PREX2: variants seen among roughly 807,000 people sequenced by gnomAD.
PREX2 encodes the protein phosphatidylinositol-3,4,5-trisphosphate dependent Rac exchange factor 2, also known as phosphatidylinositol 3,4,5-trisphosphate-dependent Rac exchanger 2 protein.
A neutral mutation model predicts 203.2 loss-of-function variants in PREX2; 107 were observed. That is an observed-to-expected ratio of 0.53 (90% CI 0.45 to 0.62). PREX2 has a LOEUF of 0.62. Among genes scored for constraint, PREX2 ranks in the 20% least tolerant of loss-of-function variants. The pLI is 0.00. For missense variants in PREX2, 1,777 were observed against 1,955.9 expected (o/e 0.91, Z 1.72); for synonymous variants, 672 against 663.6 (o/e 1.01, Z -0.19).
intron 5 of PREX2, among the ~76,000 whole-genome samples, chr8:68,028,835 A>G (rs1040784082): frequency 1.3e-5 from 2 of 152,026 alleles, no homozygotes; most frequent in African/African-American, 4.8e-5. Context: ...TAAATTACTC[A>G]TTTCTGATTA....
intron 10 of PREX2, among the ~76,000 whole-genome samples, chr8:68,059,584 C>A (rs1808783079): frequency 6.6e-6 from 1 of 152,196 alleles, no homozygotes; most frequent in Admixed American, 6.5e-5. Flanking sequence ...CAGTAGTTTT[C>A]TATTGCTGTA....
At position 68,161,255 on chromosome 8, in the gene PREX2, C is replaced by T. The variant is rs148837307; in HGVS notation, c.4346+3819C>T. ...GACTACAGGCACTTGCCACCACGCCCGGCTAATTTTTGTATTTTTAGTAGA... is the reference window on the plus strand; with the variant it reads ...GACTACAGGCACTTGCCACCACGCCTGGCTAATTTTTGTATTTTTAGTAGA... On this transcript the variant is annotated intron_variant, in intron 35 of 39. Coordinates refer to ENST00000288368, the MANE Select transcript of PREX2 (RefSeq NM_024870.4). Among the ~76,000 whole-genome samples, 1,095 of 151,946 alleles carry T rather than the reference C, an allele frequency of 7.2e-3. 9 individuals are homozygous for T. Among genetic ancestry groups the T allele is most frequent in the African/African-American group, 0.025 (1,021 of 41,458 alleles).
At chr8:68,211,271 T>A (rs1348780841) in intron 37 of PREX2, among the ~76,000 whole-genome samples, 1 of 152,236 alleles carries the variant, frequency 6.6e-6, no homozygotes, top group African/African-American at 2.4e-5. Context: ...ATAAAACAAA[T>A]ATTGGCATAC....
At chr8:68,128,511 G>A (rs959432585) in intron 31 of PREX2, among the ~76,000 whole-genome samples, 24 of 152,142 alleles carry the variant, frequency 1.6e-4, no homozygotes, top group African/African-American at 5.8e-4. Context: ...CTGCAGTCAG[G>A]TGGTGGGTTG....
intron 39 of PREX2, among the ~76,000 whole-genome samples, chr8:68,226,106 A>T (rs1025141413): frequency 2.2e-4 from 34 of 152,250 alleles, no homozygotes; most frequent in African/African-American, 8.0e-4. Context: ...CATAAAGTTG[A>T]CATTATCTAC....
At chr8:68,215,403 T>TG (rs755664195) in intron 37 of PREX2, among the ~76,000 whole-genome samples, 3 of 152,042 alleles carry the variant, frequency 2.0e-5, no homozygotes, top group Non-Finnish European at 4.4e-5. Context: ...ATTCAGCTGG[T>TG]GTAATGAACA....
At chr8:68,031,940 A>AT (rs1807896051) in intron 6 of PREX2, among the ~76,000 whole-genome samples, 1 of 152,106 alleles carries the variant, frequency 6.6e-6, no homozygotes, top group Non-Finnish European at 1.5e-5. Flanking sequence ...AACTTCAGAG[A>AT]TTTTTTTCAG....
chr8:67,994,108 A>G (rs1479972100), intron 1 of PREX2, among the ~76,000 whole-genome samples: 5 of 152,220 alleles, frequency 3.3e-5, no homozygotes, highest in African/African-American at 4.8e-5. Flanking sequence ...AATGATTGTT[A>G]CCTGTCTACT....
intron 8 of PREX2, 119 bp from the exon 9 acceptor site, chr8:68,052,978 A>T (rs994597689): frequency 3.7e-6 from 3 of 820,590 alleles, no homozygotes. Context: ...ACATATGTAA[A>T]GCAAAGAGAT....
chr8:68,192,228 C>G (rs1378537078), intron 36 of PREX2, 107 bp from the exon 37 acceptor site: 2 of 816,052 alleles, frequency 2.5e-6, no homozygotes, highest in East Asian at 2.7e-5. Flanking sequence ...TCCATTACCA[C>G]CAAAATGAAA....
At chr8:68,193,152 G>A (rs1296795179) in intron 37 of PREX2, among the ~76,000 whole-genome samples, 3 of 152,154 alleles carry the variant, frequency 2.0e-5, no homozygotes, top group Admixed American at 6.5e-5. Context: ...AAGTGCGAGT[G>A]GGAATCCCTG....
At chr8:68,138,052 T>G (rs1017748541) in intron 32 of PREX2, among the ~76,000 whole-genome samples, 23 of 152,368 alleles carry the variant, frequency 1.5e-4, no homozygotes, top group African/African-American at 4.8e-4. Flanking sequence ...GCTTTTCAGA[T>G]GTTATAAGAT....
intron 28 of PREX2, 85 bp from the exon 29 acceptor site, chr8:68,120,109 GAA>G: frequency 1.1e-6 from 1 of 880,454 alleles, no homozygotes. Flanking sequence ...GTTGCTTTAA[GAA>G]AAAATATTTT....
chr8:68,076,561 A>G (rs541627048), intron 14 of PREX2, among the ~76,000 whole-genome samples: 25 of 152,218 alleles, frequency 1.6e-4, no homozygotes, highest in African/African-American at 6.0e-4. Context: ...TAGAAATGGA[A>G]TAGAAGCCAG....
At chr8:68,174,959 A>G (rs760002728) in intron 35 of PREX2, among the ~76,000 whole-genome samples, 9 of 152,246 alleles carry the variant, frequency 5.9e-5, no homozygotes, top group Non-Finnish European at 1.2e-4. Flanking sequence ...AAGCGCAGGA[A>G]TGTGCACAGC....
chr8:68,138,501 G>A lies in PREX2; in HGVS notation c.4071G>A (p.Glu1357=), dbSNP rs1811157364. ...KVSFYFKPSE[E]EPLVANVPLT... ...CCTTTTACTTTAAACCATCAGAAGA[G>A]GAACCTCTGGTTGCAAGTAAGTAAT... Residue 1357 remains glutamate (E), a synonymous_variant, in exon 33 of 40, where the codon GAG becomes GAA. Coordinates refer to ENST00000288368, the MANE Select transcript of PREX2 (RefSeq NM_024870.4). 1 of 1,586,836 alleles carries A rather than the reference G, an allele frequency of 6.3e-7. No individual in the cohort carries two copies. Among genetic ancestry groups the A allele is most frequent in the Non-Finnish European group, 8.6e-7 (1 of 1,161,166 alleles).
chr8:67,954,834 G>A (rs1346808386), intron 1 of PREX2, among the ~76,000 whole-genome samples: 19 of 152,036 alleles, frequency 1.2e-4, no homozygotes, highest in Admixed American at 1.2e-3. Context: ...TTACTTAACT[G>A]CCCTATAAAT....
At chr8:68,090,870 C>T (rs576593579) in intron 20 of PREX2, among the ~76,000 whole-genome samples, 155 bp downstream of exon 20, 1 of 152,256 alleles carries the variant, frequency 6.6e-6, no homozygotes, top group Non-Finnish European at 1.5e-5. Flanking sequence ...GCTTTATCTG[C>T]ATAATTAATT....
intron 33 of PREX2, among the ~76,000 whole-genome samples, chr8:68,138,869 G>T (rs1323837537): frequency 6.6e-6 from 1 of 152,010 alleles, no homozygotes; most frequent in Non-Finnish European, 1.5e-5. Flanking sequence ...AAAAGTATGA[G>T]TATCGTGTGT....
Sources: gnomAD v4.1 joint callset for allele counts (sites outside exome capture counted in the v4.1 genomes callset) on GRCh38, gnomAD v4.1.1 for gene constraint, MANE v1.5 for transcripts, NCBI Gene and HGNC (gene_info 2026-07-23, HGNC 2026-07-21) for gene names.